AHNAK: variants seen among roughly 807,000 people sequenced by gnomAD.
The protein encoded by AHNAK is AHNAK nucleoprotein, also known as neuroblast differentiation-associated protein AHNAK.
In AHNAK, 23 loss-of-function variants were observed where a neutral mutation model predicts 37.8. The observed-to-expected ratio is 0.61, with a 90% CI of 0.44 to 0.86. The LOEUF (loss-of-function observed/expected upper bound fraction) is 0.86, where lower values mean the gene tolerates loss of function less well. AHNAK is among the 40% of genes least tolerant of loss of function. The pLI is 0.00. For synonymous variants in AHNAK, 2,481 were observed against 2,636.3 expected, an observed-to-expected ratio of 0.94 and a Z score of 1.80; for missense variants, 7,411 against 7,319.4, an observed-to-expected ratio of 1.01 and a Z score of -0.46.
intron 4 of AHNAK, among the ~76,000 whole-genome samples, chr11:62,496,571 C>A (rs939005702): frequency 1.4e-4 from 22 of 152,030 alleles, no homozygotes; most frequent in African/African-American, 5.3e-4. Context: ...CCGAGGCGGG[C>A]AGATCACAAG....
chr11:62,516,445 G>T lies in AHNAK; in HGVS notation c.*299C>A. 7.9e-7 allele frequency: 1 copy of T among 1,266,872 alleles called. No homozygotes were observed. The highest frequency in any genetic ancestry group is 1.0e-6 in the Non-Finnish European group (1 of 994,328). 78.5% of individuals were successfully genotyped at this position (1,266,872 alleles called of 1,614,324 possible). A position where few individuals can be genotyped will look rare whatever the true frequency, so the allele number is the denominator to read the frequency against. On this transcript the variant is annotated 3_prime_UTR_variant, in exon 5 of 5. Transcript: ENST00000378024. ...ATGAGGATAATAAACACAAAAGCTT[G>T]CTTAGTAAACAGGAGCTCTCAGCAG...
At chr11:62,450,953 C>T (rs901843051) in intron 5 of AHNAK, among the ~76,000 whole-genome samples, 2 of 152,208 alleles carry the variant, frequency 1.3e-5, no homozygotes, top group South Asian at 2.1e-4. Flanking sequence ...CGCCTGTAAT[C>T]GCGGCACTTT....
At chr11:62,451,361 G>A (rs1325938029) in intron 5 of AHNAK, among the ~76,000 whole-genome samples, 6 of 150,886 alleles carry the variant, frequency 4.0e-5, no homozygotes, top group Non-Finnish European at 4.5e-5. Flanking sequence ...CTTCCCAGCT[G>A]ACAGCCTGGC....
intron 4 of AHNAK, among the ~76,000 whole-genome samples, chr11:62,501,631 C>A (rs1029004943): frequency 3.3e-5 from 5 of 152,220 alleles, no homozygotes; most frequent in Admixed American, 2.6e-4. Context: ...CAAACCCCAG[C>A]ATGATGTGAG....
At chr11:62,541,530 T>C (rs1249903518) in intron 1 of AHNAK, among the ~76,000 whole-genome samples, 1 of 151,898 alleles carries the variant, frequency 6.6e-6, no homozygotes, top group Non-Finnish European at 1.5e-5. Flanking sequence ...GAAGACAGTA[T>C]GGTCTGCTCT....
chr11:62,507,022 C>G (rs1939824935), intron 4 of AHNAK, among the ~76,000 whole-genome samples: 2 of 152,146 alleles, frequency 1.3e-5, no homozygotes, highest in Non-Finnish European at 2.9e-5. Flanking sequence ...TGCTAAACCT[C>G]CCACGCACAC....
Position 62,517,762 on chromosome 11 carries a change from G to A in AHNAK, c.16655C>T (p.Ser5552Phe). The change falls in exon 5 of 5, where the codon TCT (serine) becomes TTT (phenylalanine). Residue 5552 changes from serine to phenylalanine, a missense_variant. Physicochemically the swap from Ser to Phe is radical, Grantham distance 155. Transcript: ENST00000378024. The part of the protein sequence containing the change: ...SVKGPAFNMA[S>F]PESDFGINLK... ...GTTGATGCCAAAATCTGACTCAGGA[G>A]ATGCCATATTAAAGGCAGGCCCCTT... 1.9e-6 allele frequency: 3 copies of A among 1,614,202 alleles called. No homozygotes were observed. The highest frequency in any genetic ancestry group is 2.5e-6 in the Non-Finnish European group (3 of 1,180,036).
rs748399666 is a variant in AHNAK, at chr11:62,524,775, G to A, written c.9642C>T (p.Ile3214=). Residue 3214 remains isoleucine (I), a synonymous_variant, in exon 5 of 5, where the codon ATC becomes ATT. Coordinates refer to ENST00000378024, the MANE Select transcript of AHNAK (RefSeq NM_001620.3). ...CAGGCATTGATATTTTAGGAGCTTTGATGTTCATCTCTGGCATCTTGAATT... is the reference window on the plus strand; with the variant it reads ...CAGGCATTGATATTTTAGGAGCTTTAATGTTCATCTCTGGCATCTTGAATT... ...GPKFKMPEMN[I]KAPKISMPDL... is the part of the protein sequence containing the mutation. 1 of 1,614,126 alleles carries A rather than the reference G, an allele frequency of 6.2e-7. No homozygotes were observed. The highest frequency in any genetic ancestry group is 8.5e-7 in the Non-Finnish European group (1 of 1,180,018).
rs1565240667 is a variant in AHNAK, at chr11:62,529,501, G to A, written c.4916C>T (p.Pro1639Leu). The A allele has an allele frequency of 4.3e-6, 7 of 1,613,858 alleles. No individual in the cohort carries two copies. The highest frequency in any genetic ancestry group is 5.9e-6 in the Non-Finnish European group (7 of 1,180,026). The change falls in exon 5 of 5, where the codon CCC (proline) becomes CTC (leucine). Residue 1639 changes from proline to leucine, a missense_variant. Transcript: ENST00000378024. ...IEGPEGKLKGPKFKMPEMHFK... is the reference protein window; with the variant it reads ...IEGPEGKLKGLKFKMPEMHFK... ...ATGCATCTCAGGCATCTTAAACTTG[G>A]GGCCCTTCAACTTCCCTTCTGGACC...
chr11:62,444,152 C>A (rs1938373728), intron 5 of AHNAK, among the ~76,000 whole-genome samples: 1 of 152,198 alleles, frequency 6.6e-6, no homozygotes, highest in Non-Finnish European at 1.5e-5. Flanking sequence ...CTCGTAACAA[C>A]CCTGGCGATA....
At chr11:62,515,830 A>C (rs1204324862), downstream of AHNAK, 1 of 1,036,210 alleles carries the variant, frequency 9.7e-7, no homozygotes, top group Non-Finnish European at 1.2e-6. Context: ...TCCGGTCTGA[A>C]CACTCACAGC....
intron 4 of AHNAK, among the ~76,000 whole-genome samples, chr11:62,507,933 A>C (rs1182074663): frequency 6.6e-6 from 1 of 152,216 alleles, no homozygotes. Flanking sequence ...CTTTGCACAT[A>C]ATAATGGGGG....
In AHNAK at chr11:62,533,479, T is replaced by G. The variant is rs144146733; in HGVS notation, c.938A>C (p.Lys313Thr). ...KIKFPTMKVPKFGVSTGREGQ... is the reference protein window; with the variant it reads ...KIKFPTMKVPTFGVSTGREGQ... ...CTCACGCCCTGTTGAGACACCAAAT[T>G]TCGGCACTTTCATGGTGGGAAATTT... The change falls in exon 5 of 5, where the codon AAA becomes ACA. Residue 313 changes from lysine (K) to threonine (T), a missense_variant. Lys to Thr is a moderately conservative substitution (Grantham distance 78, BLOSUM62 -1). Transcript: ENST00000378024. The G allele has an allele frequency of 3.7e-6, 6 of 1,614,144 alleles. No homozygotes were observed. The highest frequency in any genetic ancestry group is 5.1e-6 in the Non-Finnish European group (6 of 1,180,028).
chr11:62,469,565 A>T lies in AHNAK; in HGVS notation c.442+22167T>A, dbSNP rs141850497. The stretch of plus-strand genomic sequence containing the variant: ...CTGTAACCTCCGCCTCCCAGGTTCA[A>T]GCAATTGTCGTGCCTCAGCCTCCCT... On this transcript the variant is annotated intron_variant, in intron 5 of 5. Coordinates refer to the AHNAK transcript ENST00000257247. 3.8e-3 allele frequency among the ~76,000 whole-genome samples: 586 copies of T among 152,228 alleles called. 5 individuals carry two copies. The highest frequency in any genetic ancestry group is 0.013 in the African/African-American group (557 of 41,542).
chr11:62,494,089 AATG>A (rs749687027), intron 4 of AHNAK, among the ~76,000 whole-genome samples: 1 of 152,092 alleles, frequency 6.6e-6, no homozygotes, highest in East Asian at 1.9e-4. Context: ...CTTTCAACTG[AATG>A]ATATTTGCAT....
intron 5 of AHNAK, among the ~76,000 whole-genome samples, chr11:62,462,691 G>T (rs2513058): frequency 1.3e-5 from 2 of 152,052 alleles, no homozygotes; most frequent in Non-Finnish European, 2.9e-5. Flanking sequence ...ATCTAAAATC[G>T]CCCAGAAAAT....
At position 62,531,074 on chromosome 11, in the gene AHNAK, C is replaced by A. The variant is rs1165215668; in HGVS notation, c.3343G>T (p.Val1115Leu). ...GPKVDIKAPD[V>L]EGQGLDWSLK... ...CTCCAGTCCAGGCCTTGGCCTTCCA[C>A]ATCTGGTGCTTTAATATCTACCTTG... The change falls in exon 5 of 5, where the codon GTG becomes TTG. Residue 1115 changes from valine to leucine, a missense_variant. By Grantham distance (32) the Val-to-Leu change is conservative. Coordinates refer to ENST00000378024, the MANE Select transcript of AHNAK (RefSeq NM_001620.3). 1.2e-6 allele frequency: 2 copies of A among 1,613,642 alleles called. No homozygotes were observed. The highest frequency in any genetic ancestry group is 2.7e-5 in the African/African-American group (2 of 74,786).
rs1022267306 is a variant in AHNAK at position 62,522,591 on chromosome 11, C to A, written c.11826G>T (p.Met3942Ile). Residue 3942 changes from methionine to isoleucine, a missense_variant, in exon 5 of 5, where the codon ATG becomes ATT. Physicochemically the swap from Met to Ile is conservative, Grantham distance 10. Transcript: ENST00000378024. ...MPKIKMPKIS[M>I]PGFKGEGPEV... Reference sequence around the variant, plus strand: ...CTGGACCTTCTCCTTTGAAGCCAGGCATGCTGATCTTGGGCATTTTTATCT... The same window carrying A: ...CTGGACCTTCTCCTTTGAAGCCAGGAATGCTGATCTTGGGCATTTTTATCT... The A allele has an allele frequency of 9.9e-6, 16 of 1,612,320 alleles. No homozygotes were observed. The highest frequency in any genetic ancestry group is 1.3e-5 in the Non-Finnish European group (15 of 1,179,668).
chr11:62,526,089 C>A lies in AHNAK; in HGVS notation c.8328G>T (p.Met2776Ile), dbSNP rs186111511. Residue 2776 changes from methionine to isoleucine, a missense_variant, in exon 5 of 5, where the codon ATG becomes ATT. Met to Ile is a conservative substitution (Grantham distance 10). Transcript: ENST00000378024. ...MPKIKMPKIS[M>I]PGFKGEGPDV... Reference sequence around the variant, plus strand: ...CTGGACCTTCTCCTTTGAAGCCAGGCATGCTGATCTTGGGCATTTTTATCT... The same window carrying A: ...CTGGACCTTCTCCTTTGAAGCCAGGAATGCTGATCTTGGGCATTTTTATCT... The A allele has an allele frequency of 2.4e-5, 38 of 1,613,708 alleles. No homozygotes were observed. Among genetic ancestry groups the A allele is most frequent in the Middle Eastern group, 1.7e-4 (1 of 6,058 alleles).
Sources: gnomAD v4.1 joint callset for allele counts (sites outside exome capture counted in the v4.1 genomes callset) on GRCh38, gnomAD v4.1.1 for gene constraint, MANE v1.5 for transcripts, NCBI Gene and HGNC (gene_info 2026-07-23, HGNC 2026-07-21) for gene names.